Variants in ZCRB1 observed in about 807,000 individuals in gnomAD.
ZCRB1 encodes the protein zinc finger CCHC-type and RNA binding motif containing 1.
In ZCRB1, 21 loss-of-function variants were observed where a neutral mutation model predicts 29.9. That is an observed-to-expected ratio of 0.70 (90% CI 0.50 to 1.01). ZCRB1 has a LOEUF of 1.01. ZCRB1 is among the 50% of genes least tolerant of loss of function. The pLI, the probability that ZCRB1 is intolerant of heterozygous loss-of-function variation, is 0.00. For synonymous variants in ZCRB1, 77 were observed against 80.0 expected, an observed-to-expected ratio of 0.96 and a Z score of 0.20; for missense variants, 204 against 253.3, an observed-to-expected ratio of 0.81 and a Z score of 1.32.
At chr12:42,319,937 GT>G (rs551521864) in intron 3 of ZCRB1, among the ~76,000 whole-genome samples, 23 of 152,130 alleles carry the variant, frequency 1.5e-4, no homozygotes, top group Admixed American at 3.3e-4. Context: ...ACTAACAGTA[GT>G]TTTTACCCTC....
rs1277271871 is a variant in ZCRB1 at position 42,313,939 on chromosome 12, T to C, written c.381A>G (p.Glu127=). ...SYACPKNMLG[E]REPPKKKEKK... is the part of the protein sequence containing the mutation. ...TTTCTTTCTTCTTTGGAGGCTCACG[T>C]TCTCCGAGCATATTTTTCGGACAGG... is the stretch of plus-strand genomic sequence containing the variant. The change falls in exon 6 of 8, where the codon GAA becomes GAG. Residue 127 remains glutamate, a synonymous_variant. Transcript: ENST00000266529. 1.9e-6 allele frequency: 3 copies of C among 1,604,212 alleles called. No homozygotes were observed. Among genetic ancestry groups the C allele is most frequent in the Non-Finnish European group, 2.5e-6 (3 of 1,178,102 alleles).
intron 1 of ZCRB1, among the ~76,000 whole-genome samples, chr12:42,324,447 C>T (rs1029926971): frequency 2.0e-5 from 3 of 152,156 alleles, no homozygotes; most frequent in Non-Finnish European, 4.4e-5. Flanking sequence ...CACACCTGGC[C>T]TAAACCAAGT....
intron 1 of ZCRB1, 40 bp downstream of exon 1, chr12:42,325,884 G>GC (rs2068713817): frequency 6.6e-6 from 1 of 152,598 alleles, no homozygotes; most frequent in Non-Finnish European, 1.5e-5. Context: ...TGGGGAGGGG[G>GC]CCCCGCAGGA....
intron 5 of ZCRB1, 87 bp downstream of exon 5, chr12:42,317,253 C>A: frequency 1.2e-6 from 1 of 868,858 alleles, no homozygotes; most frequent in South Asian, 1.8e-5. Flanking sequence ...TTTAGCCAGT[C>A]AGAAGTTTTG....
At chr12:42,317,159 G>A (rs1360543392) in intron 5 of ZCRB1, among the ~76,000 whole-genome samples, 181 bp downstream of exon 5, 1 of 152,140 alleles carries the variant, frequency 6.6e-6, no homozygotes, top group African/African-American at 2.4e-5. Context: ...AGTGAGTTGT[G>A]ACTGCATCAC....
chr12:42,316,520 C>T (rs915215274), intron 5 of ZCRB1, among the ~76,000 whole-genome samples: 12 of 152,194 alleles, frequency 7.9e-5, no homozygotes, highest in African/African-American at 2.7e-4. Flanking sequence ...TCTCTCTCTT[C>T]ATCACCAAAA....
In ZCRB1 at chr12:42,314,454, C is replaced by A. The variant is rs181330554; in HGVS notation, c.334-468G>T. ...AAATTAGTTGGGCATAAGTGGCACA[C>A]ACCTGTAGTCCCAGCTACTCAGGAG... On this transcript the variant is annotated intron_variant, in intron 5 of 7. Coordinates refer to ENST00000266529, the MANE Select transcript of ZCRB1 (RefSeq NM_033114.4). Among the ~76,000 whole-genome samples the A allele has an allele frequency of 1.3e-4, 18 of 138,726 alleles. No individual in the cohort carries two copies. In the East Asian group the frequency reaches 3.8e-3, roughly 29 times the overall value. The allele number at this position is 138,726 out of a possible 152,430, so 91.0% of individuals were successfully genotyped here.
chr12:42,316,004 T>G (rs1178475159), intron 5 of ZCRB1, among the ~76,000 whole-genome samples: 1 of 152,178 alleles, frequency 6.6e-6, no homozygotes, highest in African/African-American at 2.4e-5. Context: ...ATCTTCCATG[T>G]GATTTTGTAG....
At chr12:42,316,225 G>C (rs1415356973) in intron 5 of ZCRB1, among the ~76,000 whole-genome samples, 1 of 151,936 alleles carries the variant, frequency 6.6e-6, no homozygotes, top group Admixed American at 6.6e-5. Flanking sequence ...CTTCCAAGTA[G>C]CTGGGATTAC....
At chr12:42,322,544 T>A in intron 2 of ZCRB1, 98 bp from the exon 3 acceptor site, 1 of 1,253,850 alleles carries the variant, frequency 8.0e-7, no homozygotes. Flanking sequence ...TTACAGTTTA[T>A]GAATAATTTC....
chr12:42,321,679 C>T (rs2068621836), intron 3 of ZCRB1, among the ~76,000 whole-genome samples: 1 of 152,086 alleles, frequency 6.6e-6, no homozygotes, highest in African/African-American at 2.4e-5. Flanking sequence ...TGTTTAATAT[C>T]CATTTATGGA....
intron 2 of ZCRB1, 187 bp downstream of exon 2, chr12:42,323,832 G>C (rs1448696557): frequency 1.7e-6 from 1 of 576,556 alleles, no homozygotes; most frequent in East Asian, 2.9e-5. Flanking sequence ...AGGATCACCT[G>C]AGGGGGCGGG....
chr12:42,325,702 G>GA (rs1177794277), intron 1 of ZCRB1: 1 of 152,182 alleles, frequency 6.6e-6, no homozygotes, highest in Non-Finnish European at 1.5e-5. Context: ...TGTTATGGGG[G>GA]AATTATTTAG....
intron 2 of ZCRB1, chr12:42,323,817 G>C: frequency 1.8e-6 from 1 of 560,076 alleles, no homozygotes; most frequent in South Asian, 2.1e-5. Flanking sequence ...GGAGGATGAG[G>C]TGGGAGGATC....
chr12:42,322,348 T>C lies in ZCRB1; in HGVS notation c.113+70A>G, dbSNP rs560265005. The stretch of plus-strand genomic sequence containing the variant: ...ATGTTTTATTTTTAAAAATCTGTCA[T>C]TAAAAAAATGTAGAAGCAAATTCAG... On this transcript the variant is annotated intron_variant, in intron 3 of 7. Transcript: ENST00000266529. 6.6e-5 allele frequency: 88 copies of C among 1,342,320 alleles called. No individual in the cohort carries two copies. The African/African-American group carries it at 1.1e-3, about 17-fold the overall frequency. The allele number at this position is 1,342,320 out of a possible 1,614,324, so 83.2% of individuals were successfully genotyped here.
At chr12:42,318,748 G>A (rs10880285) in intron 3 of ZCRB1, among the ~76,000 whole-genome samples, 27,971 of 152,134 alleles carry the variant, frequency 0.18, 2,811 homozygotes, top group African/African-American at 0.25. Flanking sequence ...GCAAGAGTGC[G>A]TGAGCGAGTG....
intron 3 of ZCRB1, among the ~76,000 whole-genome samples, chr12:42,321,149 C>T (rs573451252): frequency 6.6e-6 from 1 of 152,214 alleles, no homozygotes; most frequent in African/African-American, 2.4e-5. Context: ...CCTTCCCTGG[C>T]TCTCTAGACT....
rs755073571 is a variant in ZCRB1, at chr12:42,314,005, A to G, written c.334-19T>C. On this transcript the variant is annotated intron_variant, in intron 5 of 7. Transcript: ENST00000266529. ...CACTTTCCTTTTGTTTCCCATTAAA[A>G]AGGAAAGGAAAAATACCATATTTGA... 19 of 1,574,354 alleles carry G rather than the reference A, an allele frequency of 1.2e-5. No individual in the cohort carries two copies. In the South Asian group the frequency reaches 2.3e-4, roughly 19 times the overall value.
At position 42,324,787 on chromosome 12, in the gene ZCRB1, T is replaced by C. The variant is rs189438831; in HGVS notation, c.-2-683A>G. 4.5e-4 allele frequency among the ~76,000 whole-genome samples: 69 copies of C among 152,372 alleles called. 1 individual carries two copies. The East Asian group carries it at 0.012, about 26-fold the overall frequency. ...GAAAAACCCTGAGGCTACTCCTAAC[T>C]TCCACTCAGACCATGAGCAAAAAAA... On this transcript the variant is annotated intron_variant, in intron 1 of 7. Transcript: ENST00000266529.
Sources: allele counts gnomAD v4.1 joint callset (sites outside exome capture counted in the v4.1 genomes callset), GRCh38; gene constraint gnomAD v4.1.1; transcripts MANE v1.5; gene names NCBI Gene and HGNC (gene_info 2026-07-23, HGNC 2026-07-21).